Variants in FAM210A observed in about 807,000 individuals in gnomAD.
The protein encoded by FAM210A is mitochondrial inner membrane scaffold 1.
A neutral mutation model predicts 25.3 loss-of-function variants in FAM210A; 13 were observed. That is an observed-to-expected ratio of 0.51 (90% CI 0.33 to 0.82). The LOEUF is 0.82. Among genes scored for constraint, FAM210A ranks in the 40% least tolerant of loss-of-function variants. The pLI, the probability that FAM210A is intolerant of heterozygous loss-of-function variation, is 0.02. For missense variants in FAM210A, 319 were observed against 323.2 expected (o/e 0.99, Z 0.10); for synonymous variants, 125 against 118.7 (o/e 1.05, Z -0.35).
intron 1 of FAM210A, among the ~76,000 whole-genome samples, chr18:13,692,408 T>G (rs146493608): frequency 2.6e-5 from 4 of 152,262 alleles, no homozygotes; most frequent in Non-Finnish European, 5.9e-5. Context: ...ATGGACCTAA[T>G]AGACATCTAC....
intron 1 of FAM210A, among the ~76,000 whole-genome samples, chr18:13,699,704 G>C (rs1280094175): frequency 6.6e-6 from 1 of 151,388 alleles, no homozygotes; most frequent in Non-Finnish European, 1.5e-5. Flanking sequence ...CATTTTCTTA[G>C]CCTTCTCCTT....
At chr18:13,685,619 C>T (rs75853829) in intron 1 of FAM210A, among the ~76,000 whole-genome samples, 1 of 152,074 alleles carries the variant, frequency 6.6e-6, no homozygotes, top group Non-Finnish European at 1.5e-5. Flanking sequence ...GACCCATATG[C>T]CCCCACTTTG....
At chr18:13,694,828 C>T (rs182168375) in intron 1 of FAM210A, among the ~76,000 whole-genome samples, 86 of 152,350 alleles carry the variant, frequency 5.6e-4, no homozygotes, top group African/African-American at 2.0e-3. Flanking sequence ...ATCACTAAAA[C>T]ACCAAAAGCA....
At chr18:13,720,992 T>G (rs1260537234) in intron 1 of FAM210A, among the ~76,000 whole-genome samples, 2 of 152,208 alleles carry the variant, frequency 1.3e-5, no homozygotes, top group South Asian at 4.1e-4. Context: ...CCAGTTGTGT[T>G]GGATTAGGGG....
chr18:13,677,362 T>A (rs564264361), intron 2 of FAM210A, among the ~76,000 whole-genome samples: 25 of 152,212 alleles, frequency 1.6e-4, no homozygotes, highest in African/African-American at 5.8e-4. Context: ...GCGTGAGCCA[T>A]CACGCCCGGC....
intron 1 of FAM210A, among the ~76,000 whole-genome samples, chr18:13,716,653 G>A (rs932259562): frequency 6.6e-6 from 1 of 152,074 alleles, no homozygotes; most frequent in African/African-American, 2.4e-5. Context: ...AATTGGATCA[G>A]GGGGCAGTTT....
intron 1 of FAM210A, among the ~76,000 whole-genome samples, chr18:13,710,854 C>G (rs1028911573): frequency 1.8e-4 from 28 of 152,222 alleles, no homozygotes; most frequent in African/African-American, 6.0e-4. Context: ...AGTAATAACT[C>G]TATCTCCTGT....
At position 13,681,724 on chromosome 18, in the gene FAM210A, T is replaced by C. The variant is rs150631358; in HGVS notation, c.354A>G (p.Lys118=). 2.5e-6 allele frequency: 4 copies of C among 1,614,108 alleles called. No homozygotes were observed. The African/African-American group carries it at 4.0e-5, about 16-fold the overall frequency. ...TGAATCGTTGATAAAGACTAATAGA[T>C]TTGTCTTGCAAAGGATCAGGCTCTT... ...KKEEPDPLQD[K]SISLYQRFKK... is the part of the protein sequence containing the mutation. The change falls in exon 2 of 4, where the codon AAA becomes AAG. Residue 118 remains lysine (K), a synonymous_variant. Transcript: ENST00000651643.
intron 1 of FAM210A, among the ~76,000 whole-genome samples, chr18:13,692,015 A>G (rs1395820803): frequency 6.8e-6 from 1 of 146,440 alleles, no homozygotes; most frequent in African/African-American, 2.6e-5. Context: ...CCCATCTCAC[A>G]TGCAGAGACA....
intron 1 of FAM210A, among the ~76,000 whole-genome samples, chr18:13,720,788 A>T (rs2043892502): frequency 6.6e-6 from 1 of 152,202 alleles, no homozygotes; most frequent in Non-Finnish European, 1.5e-5. Context: ...TGGGGTTAGA[A>T]GTCCAAGATC....
intron 1 of FAM210A, among the ~76,000 whole-genome samples, chr18:13,685,123 C>G (rs1236321742): frequency 6.6e-6 from 1 of 152,162 alleles, no homozygotes; most frequent in Non-Finnish European, 1.5e-5. Context: ...TGGGGAGTCA[C>G]ACCCTGCAAA....
chr18:13,710,723 C>G (rs745392807), intron 1 of FAM210A, among the ~76,000 whole-genome samples: 11 of 152,122 alleles, frequency 7.2e-5, no homozygotes, highest in Non-Finnish European at 1.5e-4. Context: ...ACACAAAGAC[C>G]GTTTTCCACA....
At chr18:13,680,344 C>T (rs564595449) in intron 2 of FAM210A, among the ~76,000 whole-genome samples, 1 of 151,962 alleles carries the variant, frequency 6.6e-6, no homozygotes, top group Non-Finnish European at 1.5e-5. Flanking sequence ...AAAATATACA[C>T]CTAAAGAATC....
chr18:13,676,900 A>C (rs2043508606), intron 2 of FAM210A, among the ~76,000 whole-genome samples: 1 of 152,048 alleles, frequency 6.6e-6, no homozygotes, highest in Admixed American at 6.5e-5. Context: ...ACATCACAAC[A>C]AGGGACACAT....
intron 1 of FAM210A, among the ~76,000 whole-genome samples, chr18:13,704,318 C>T (rs1306932146): frequency 6.6e-6 from 1 of 151,990 alleles, no homozygotes; most frequent in Non-Finnish European, 1.5e-5. Flanking sequence ...AAAAACTAAT[C>T]TTGCAAAAAG....
chr18:13,666,970 A>T (rs1389036584), intron 3 of FAM210A, among the ~76,000 whole-genome samples: 1 of 152,202 alleles, frequency 6.6e-6, no homozygotes, highest in Non-Finnish European at 1.5e-5. Context: ...TGATGTCCCT[A>T]ATCGCATGCT....
intron 1 of FAM210A, among the ~76,000 whole-genome samples, chr18:13,688,678 C>T (rs2043617747): frequency 6.6e-6 from 1 of 152,252 alleles, no homozygotes. Flanking sequence ...CGGAGAGCAG[C>T]CACCCCACGT....
intron 2 of FAM210A, among the ~76,000 whole-genome samples, chr18:13,680,868 C>T (rs1365438028): frequency 1.3e-5 from 2 of 152,132 alleles, no homozygotes; most frequent in Admixed American, 1.3e-4. Flanking sequence ...AATAACTTAC[C>T]TTAAGGGGAA....
chr18:13,696,536 A>G (rs1283280300), intron 1 of FAM210A, among the ~76,000 whole-genome samples: 1 of 152,222 alleles, frequency 6.6e-6, no homozygotes, highest in East Asian at 1.9e-4. Context: ...GATGGACAGC[A>G]TGAAAGACGG....
Sources: allele counts gnomAD v4.1 joint callset (sites outside exome capture counted in the v4.1 genomes callset), GRCh38; gene constraint gnomAD v4.1.1; transcripts MANE v1.5; gene names NCBI Gene and HGNC (gene_info 2026-07-23, HGNC 2026-07-21).